Variants in GRAMD1B observed in about 807,000 individuals in gnomAD.
The protein encoded by GRAMD1B is GRAM domain containing 1B.
Under a neutral mutation model 99.7 loss-of-function variants are expected in GRAMD1B, and 37 were observed. The ratio of observed to expected loss-of-function variants is 0.37; its 90% CI spans 0.29 to 0.49. The LOEUF (loss-of-function observed/expected upper bound fraction) is 0.49, where lower values mean the gene tolerates loss of function less well. Ranked by LOEUF, GRAMD1B falls within the 20% of genes least tolerant of loss-of-function variation. GRAMD1B has a pLI of 0.98. For missense variants in GRAMD1B, 888 were observed against 1,009.2 expected (o/e 0.88, Z 1.63); for synonymous variants, 427 against 387.6 (o/e 1.10, Z -1.19).
chr11:123,509,314 G>A (rs1398875962), intron 2 of GRAMD1B, among the ~76,000 whole-genome samples: 3 of 152,200 alleles, frequency 2.0e-5, no homozygotes, highest in African/African-American at 4.8e-5. Context: ...AGGAACCGAC[G>A]TCCCTAACAG....
At chr11:123,419,684 T>G (rs1948354423) in intron 1 of GRAMD1B, among the ~76,000 whole-genome samples, 2 of 143,292 alleles carry the variant, frequency 1.4e-5, no homozygotes, top group Non-Finnish European at 3.0e-5. Context: ...AAGAAGGGAG[T>G]CGGGGAATTT....
At chr11:123,427,051 G>A (rs1304051011), upstream of GRAMD1B, among the ~76,000 whole-genome samples, 2 of 152,184 alleles carry the variant, frequency 1.3e-5, no homozygotes, top group African/African-American at 4.8e-5. Flanking sequence ...CCTGTCTGGG[G>A]AAGCGGGGAA....
intron 8 of GRAMD1B, among the ~76,000 whole-genome samples, chr11:123,603,186 T>C (rs572108119): frequency 3.8e-4 from 58 of 152,274 alleles, no homozygotes; most frequent in Non-Finnish European, 6.3e-4. Flanking sequence ...CAAACCTCTG[T>C]TGAGGGATTG....
At chr11:123,449,714 C>CATTTTTTTTTTTTTTTTTTTTTTTTTTTT (rs1949796816) in intron 1 of GRAMD1B, among the ~76,000 whole-genome samples, 1 of 99,988 alleles carries the variant, frequency 1.0e-5, no homozygotes, top group East Asian at 3.0e-4. Flanking sequence ...CCATGCCTGG[C>CATTTTTTTTTTTTTTTTTTTTTTTTTTTT]TTTTTTTTTT....
chr11:123,413,893 C>T (rs1349683495), intron 1 of GRAMD1B, among the ~76,000 whole-genome samples: 1 of 152,078 alleles, frequency 6.6e-6, no homozygotes, highest in Non-Finnish European at 1.5e-5. Context: ...AGAACCAAGT[C>T]AGAAAAAAGT....
intron 1 of GRAMD1B, among the ~76,000 whole-genome samples, chr11:123,367,445 T>C (rs1347355198): frequency 6.6e-6 from 1 of 152,184 alleles, no homozygotes; most frequent in Admixed American, 6.5e-5. Context: ...AGGTTATATT[T>C]GAGCTGGGTT....
intron 2 of GRAMD1B, among the ~76,000 whole-genome samples, chr11:123,565,268 G>A (rs1290401972): frequency 2.0e-5 from 3 of 151,010 alleles, no homozygotes; most frequent in South Asian, 4.2e-4. Flanking sequence ...CAAAGTCCTG[G>A]CCTCAAGCAA....
At chr11:123,550,532 G>A (rs994814613) in intron 2 of GRAMD1B, among the ~76,000 whole-genome samples, 3 of 152,162 alleles carry the variant, frequency 2.0e-5, no homozygotes, top group African/African-American at 4.8e-5. Context: ...TGGCAAAGCC[G>A]GCTCGTTGTC....
At chr11:123,515,252 A>C (rs928721831) in intron 2 of GRAMD1B, among the ~76,000 whole-genome samples, 6 of 152,288 alleles carry the variant, frequency 3.9e-5, no homozygotes, top group African/African-American at 1.2e-4. Flanking sequence ...CCCTTTATTC[A>C]TACTGGCTCT....
intron 1 of GRAMD1B, among the ~76,000 whole-genome samples, chr11:123,466,325 AGAAAGAAAGAAGGAAGGAAG>A (rs1332489406): frequency 6.7e-6 from 1 of 150,216 alleles, no homozygotes; most frequent in Non-Finnish European, 1.5e-5. Flanking sequence ...AGAGAAAGAA[AGAAAGAAAGAAGGAAGGAAG>A]GAAGGAAAGA....
In GRAMD1B at chr11:123,594,150, G is replaced by C. The variant is rs182292408; in HGVS notation, c.753G>C (p.Thr251=). Reference sequence around the variant, plus strand: ...AGCTCTTTAAGCAGCTTCCAGACACGGAGCGCCTCATTGTTGGTGAGTTGG... The same window carrying C: ...AGCTCTTTAAGCAGCTTCCAGACACCGAGCGCCTCATTGTTGGTGAGTTGG... ...FRKLFKQLPD[T]ERLIVDYSCA... Residue 251 remains threonine (T), a synonymous_variant, in exon 5 of 20, where the codon ACG becomes ACC. Transcript: ENST00000635736. 1.9e-6 allele frequency: 3 copies of C among 1,611,740 alleles called. No homozygotes were observed. Among genetic ancestry groups the C allele is most frequent in the Non-Finnish European group, 2.5e-6 (3 of 1,177,888 alleles).
At chr11:123,392,547 C>T (rs1947318557) in intron 1 of GRAMD1B, among the ~76,000 whole-genome samples, 1 of 151,824 alleles carries the variant, frequency 6.6e-6, no homozygotes, top group African/African-American at 2.4e-5. Context: ...GGAATTATGG[C>T]CTGATACTCA....
chr11:123,425,964 GA>G (rs563198667), upstream of GRAMD1B, among the ~76,000 whole-genome samples: 40 of 152,256 alleles, frequency 2.6e-4, no homozygotes, highest in African/African-American at 9.6e-4. Flanking sequence ...CTTCATCCCC[GA>G]ACCCTCACTT....
chr11:123,406,229 G>T (rs1047546854), intron 1 of GRAMD1B, among the ~76,000 whole-genome samples: 3 of 150,708 alleles, frequency 2.0e-5, no homozygotes, highest in African/African-American at 7.3e-5. Context: ...GGGATTACAG[G>T]TGTGAGCTAC....
chr11:123,419,973 T>A (rs1045478405), intron 1 of GRAMD1B, among the ~76,000 whole-genome samples: 1 of 152,188 alleles, frequency 6.6e-6, no homozygotes, highest in South Asian at 2.1e-4. Flanking sequence ...TTGCACGGAA[T>A]GATCATGTGA....
At chr11:123,400,158 C>T (rs74919962) in intron 1 of GRAMD1B, among the ~76,000 whole-genome samples, 4,424 of 152,168 alleles carry the variant, frequency 0.029, 72 homozygotes, top group Middle Eastern at 0.065. Context: ...TGTAACAGAA[C>T]ACCATAGACC....
chr11:123,382,503 T>C (rs1276085682), intron 1 of GRAMD1B, among the ~76,000 whole-genome samples: 1 of 152,170 alleles, frequency 6.6e-6, no homozygotes, highest in Non-Finnish European at 1.5e-5. Context: ...TAGAACTCTC[T>C]TATATTGTGA....
chr11:123,393,929 T>C (rs1202880395), intron 1 of GRAMD1B, among the ~76,000 whole-genome samples: 1 of 152,198 alleles, frequency 6.6e-6, no homozygotes. Flanking sequence ...GATCTTCCCA[T>C]CTCTCTTCAA....
intron 1 of GRAMD1B, among the ~76,000 whole-genome samples, chr11:123,460,798 C>T (rs936087622): frequency 2.0e-5 from 3 of 152,074 alleles, no homozygotes; most frequent in East Asian, 1.9e-4. Context: ...CCTTGAGCTC[C>T]GAGGTCACTA....
Sources: allele counts gnomAD v4.1 joint callset (sites outside exome capture counted in the v4.1 genomes callset), GRCh38; gene constraint gnomAD v4.1.1; transcripts MANE v1.5; gene names NCBI Gene and HGNC (gene_info 2026-07-23, HGNC 2026-07-21).